The following PMEPA1 variants were observed in gnomAD, a reference collection of about 807,000 sequenced individuals.
The protein encoded by PMEPA1 is protein TMEPAI.
A neutral mutation model predicts 23.0 loss-of-function variants in PMEPA1; 11 were observed. The observed-to-expected ratio is 0.48, with a 90% CI of 0.30 to 0.79. PMEPA1 has a LOEUF of 0.79. Among genes scored for constraint, PMEPA1 ranks in the 30% least tolerant of loss-of-function variants. PMEPA1 has a pLI of 0.06. For synonymous variants in PMEPA1, 204 were observed against 166.4 expected (o/e 1.23, Z -1.74); for missense variants, 377 against 390.9 (o/e 0.96, Z 0.30).
chr20:57,670,903 C>A (rs1254061078), intron 1 of PMEPA1, among the ~76,000 whole-genome samples: 3 of 152,128 alleles, frequency 2.0e-5, no homozygotes, highest in Non-Finnish European at 2.9e-5. Flanking sequence ...CGTTCTTCCC[C>A]ACCGCCCCCC....
chr20:57,705,462 C>A (rs1457130424), intron 1 of PMEPA1, among the ~76,000 whole-genome samples: 1 of 152,240 alleles, frequency 6.6e-6, no homozygotes, highest in Non-Finnish European at 1.5e-5. Flanking sequence ...TGTTGGACAT[C>A]TGTATTTTAA....
chr20:57,700,007 A>G (rs1250234021), intron 1 of PMEPA1: 1 of 471,048 alleles, frequency 2.1e-6, no homozygotes. Flanking sequence ...TCTAAATATA[A>G]AAACACACCT....
At chr20:57,708,283 G>A (rs1372338750) in intron 1 of PMEPA1, among the ~76,000 whole-genome samples, 1 of 152,220 alleles carries the variant, frequency 6.6e-6, no homozygotes, top group Non-Finnish European at 1.5e-5. Context: ...TTCACCTGGC[G>A]TGCTTCTTCA....
Position 57,650,763 on chromosome 20 carries a change from G to A in PMEPA1, c.*1290C>T, listed in dbSNP as rs187540237. On this transcript the variant is annotated 3_prime_UTR_variant, in exon 4 of 4. Transcript: ENST00000341744. ...CCCAGGCTTGTCACCTTTTCATGTT[G>A]GGTTGTTTATTGGCCTCTTAAGTGA... 7.4e-5 allele frequency: 11 copies of A among 147,680 alleles called. No homozygotes were observed. The highest frequency in any genetic ancestry group is 4.2e-4 in the South Asian group (2 of 4,708). 9.1% of individuals were successfully genotyped at this position (147,680 alleles called of 1,614,324 possible). A position where few individuals can be genotyped will look rare whatever the true frequency, so the allele number is the denominator to read the frequency against.
At chr20:57,672,555 C>T (rs1273415376) in intron 1 of PMEPA1, among the ~76,000 whole-genome samples, 2 of 152,220 alleles carry the variant, frequency 1.3e-5, no homozygotes, top group Admixed American at 6.5e-5. Flanking sequence ...GAGGGTCAGT[C>T]GGCGACGGGC....
In PMEPA1 at chr20:57,664,741, G is replaced by A. The variant is rs573581309; in HGVS notation, c.110-5044C>T. On this transcript the variant is annotated intron_variant, in intron 1 of 3. Transcript: ENST00000341744. Reference sequence around the variant, plus strand: ...GGCCGCATCCCTCCCTCTCTCCAGAGGACCCTGGAGCCGGCTGTGAAGCTG... The same window carrying A: ...GGCCGCATCCCTCCCTCTCTCCAGAAGACCCTGGAGCCGGCTGTGAAGCTG... Among the ~76,000 whole-genome samples, 666 of 152,322 alleles carry A rather than the reference G, an allele frequency of 4.4e-3. 2 individuals carry two copies. The highest frequency in any genetic ancestry group is 0.024 in the Middle Eastern group (7 of 294).
In PMEPA1 at chr20:57,650,707, A is replaced by C. The variant is rs1251007849; in HGVS notation, c.*1346T>G. 5.9e-5 allele frequency: 9 copies of C among 152,212 alleles called. No homozygotes were observed. The highest frequency in any genetic ancestry group is 8.8e-5 in the Non-Finnish European group (6 of 68,042). 9.4% of individuals were successfully genotyped at this position (152,212 alleles called of 1,614,324 possible). A position where few individuals can be genotyped will look rare whatever the true frequency, so the allele number is the denominator to read the frequency against. On this transcript the variant is annotated 3_prime_UTR_variant, in exon 4 of 4. Transcript: ENST00000341744. ...TGGTGTTTGCTCAACTGCTTTACTC[A>C]TTTTAACCCTTTCACCTATCCTGGG...
chr20:57,709,430 G>C, intron 1 of PMEPA1, 44 bp downstream of exon 1: 1 of 1,065,560 alleles, frequency 9.4e-7, no homozygotes, highest in Non-Finnish European at 1.2e-6. Flanking sequence ...CATAGGGTCC[G>C]AGCCCGATGG....
intron 1 of PMEPA1, among the ~76,000 whole-genome samples, chr20:57,708,269 C>T (rs757798171): frequency 1.3e-5 from 2 of 152,214 alleles, no homozygotes. Flanking sequence ...GGACTGTGTG[C>T]CCCTTCACCT....
intron 1 of PMEPA1, among the ~76,000 whole-genome samples, chr20:57,694,315 T>C (rs986689143): frequency 6.6e-6 from 1 of 152,248 alleles, no homozygotes; most frequent in African/African-American, 2.4e-5. Flanking sequence ...ATTAAAATTC[T>C]TCAGTATTTT....
At position 57,693,053 on chromosome 20, in the gene PMEPA1, C is replaced by T. The variant is rs941099555; in HGVS notation, c.109+16421G>A. Among the ~76,000 whole-genome samples, 47 of 152,208 alleles carry T rather than the reference C, an allele frequency of 3.1e-4. 2 individuals are homozygous for T. Among genetic ancestry groups the T allele is most frequent in the African/African-American group, 1.4e-4 (6 of 41,444 alleles). On this transcript the variant is annotated intron_variant, in intron 1 of 3. Transcript: ENST00000341744. Reference sequence around the variant, plus strand: ...GCCAAGTCCCGAAGTGGCAAAACCACGATGTTCACGCTTATGTTGTGAGCA... The same window carrying T: ...GCCAAGTCCCGAAGTGGCAAAACCATGATGTTCACGCTTATGTTGTGAGCA...
At chr20:57,666,539 A>C (rs2071495014) in intron 1 of PMEPA1, among the ~76,000 whole-genome samples, 2 of 152,140 alleles carry the variant, frequency 1.3e-5, no homozygotes, top group Admixed American at 1.3e-4. Flanking sequence ...CCCGACCCCC[A>C]GCAGTCCTGA....
chr20:57,703,311 G>A (rs2072036395), intron 1 of PMEPA1, among the ~76,000 whole-genome samples: 1 of 152,202 alleles, frequency 6.6e-6, no homozygotes, highest in Admixed American at 6.5e-5. Flanking sequence ...ATGATCACCT[G>A]TTAAAAATTT....
rs1463117092 is a variant in PMEPA1, at chr20:57,682,946, C to T, written c.110-23249G>A. 5.3e-5 allele frequency among the ~76,000 whole-genome samples: 8 copies of T among 152,330 alleles called. No homozygotes were observed. Among genetic ancestry groups the T allele is most frequent in the Middle Eastern group, 3.4e-3 (1 of 294 alleles). ...TCCTAAATAAGGCAGCACACCAAGA[C>T]GGTCTTGAAACTCCGGCTTCTCCAA... On this transcript the variant is annotated intron_variant, in intron 1 of 3. Coordinates refer to ENST00000341744, the MANE Select transcript of PMEPA1 (RefSeq NM_020182.5). The surrounding 1 kb of genome is among the most constrained non-coding windows in gnomAD (Gnocchi z 4.4).
intron 1 of PMEPA1, among the ~76,000 whole-genome samples, chr20:57,700,470 C>A (rs904957449): frequency 6.6e-6 from 1 of 152,182 alleles, no homozygotes; most frequent in Non-Finnish European, 1.5e-5. Flanking sequence ...AGTGGCATCT[C>A]GAACCTGCAT....
At chr20:57,685,250 G>A (rs911678252) in intron 1 of PMEPA1, among the ~76,000 whole-genome samples, 4 of 152,186 alleles carry the variant, frequency 2.6e-5, no homozygotes, top group Non-Finnish European at 4.4e-5. Flanking sequence ...CTAACTGCCC[G>A]AGCAGGTGAA....
intron 1 of PMEPA1, among the ~76,000 whole-genome samples, chr20:57,701,182 C>G (rs1194218808): frequency 6.6e-6 from 1 of 152,056 alleles, no homozygotes; most frequent in African/African-American, 2.4e-5. Flanking sequence ...CCATTAACAA[C>G]AGGTACATAT....
In PMEPA1 at chr20:57,649,145, T is replaced by G. The variant is rs991644108; in HGVS notation, c.*2908A>C. 6.6e-6 allele frequency: 1 copy of G among 152,320 alleles called. No homozygotes were observed. 9.4% of individuals were successfully genotyped at this position (152,320 alleles called of 1,614,324 possible). On this transcript the variant is annotated 3_prime_UTR_variant, in exon 4 of 4. Transcript: ENST00000341744. Reference sequence around the variant, plus strand: ...GAACCAGGATGGAACGGCAGACCCCTGAAACGAAGCTTGTCCCCTTCCAAT... The same window carrying G: ...GAACCAGGATGGAACGGCAGACCCCGGAAACGAAGCTTGTCCCCTTCCAAT...
intron 2 of PMEPA1, among the ~76,000 whole-genome samples, chr20:57,654,832 C>T (rs1008530557): frequency 5.3e-5 from 8 of 152,162 alleles, no homozygotes; most frequent in Admixed American, 1.3e-4. Flanking sequence ...CCAGAGGCTG[C>T]GAGTGCCGCT....
Sources: gnomAD v4.1 joint callset for allele counts (sites outside exome capture counted in the v4.1 genomes callset) on GRCh38, gnomAD v4.1.1 for gene constraint, Gnocchi (gnomAD v3.1) non-coding constraint, MANE v1.5 for transcripts, NCBI Gene and HGNC (gene_info 2026-07-23, HGNC 2026-07-21) for gene names.